The following HID1 variants were observed in gnomAD, a reference collection of about 807,000 sequenced individuals.
The protein encoded by HID1 is HID1 domain containing.
HID1 carries 42 observed loss-of-function variants against 89.7 expected under a neutral mutation model. That is an observed-to-expected ratio of 0.47 (90% CI 0.37 to 0.61). The LOEUF is 0.61. Ranked by LOEUF, HID1 falls within the 20% of genes least tolerant of loss-of-function variation. The pLI, the probability that HID1 is intolerant of heterozygous loss-of-function variation, is 0.00. For missense variants in HID1, 854 were observed against 1,039.3 expected (o/e 0.82, Z 2.45); for synonymous variants, 442 against 433.8 (o/e 1.02, Z -0.24).
In HID1 at chr17:74,952,055, G is replaced by C. The variant is rs772025658; in HGVS notation, c.2153C>G (p.Thr718Arg). The change falls in exon 18 of 19, where the codon ACG becomes AGG. Residue 718 changes from threonine (T) to arginine (R), a missense_variant. Physicochemically the swap from Thr to Arg is moderately conservative, Grantham distance 71. Transcript: ENST00000425042. ...VEKICIDKGL[T>R]DESEILRFLQ... ...GAACCGCAGGATCTCAGACTCATCC[G>C]TCAGGCCCCTGCGGGGAGAGGGGTA... 5.1e-6 allele frequency: 8 copies of C among 1,556,990 alleles called. No homozygotes were observed. The highest frequency in any genetic ancestry group is 3.6e-5 in the South Asian group (3 of 84,494).
In HID1 at chr17:74,955,908, A is replaced by G. The variant is rs1225369510; in HGVS notation, c.1520T>C (p.Leu507Pro). Residue 507 changes from leucine to proline, a missense_variant, in exon 13 of 19, where the codon CTG becomes CCG. Leu to Pro is a moderately conservative substitution (Grantham distance 98). Transcript: ENST00000425042. ...GGTGGAGAAGGCCTCCAGCAGGTGC[A>G]GCAACTTGTTGGCAGTCACCATGGA... ...SLSMVTANKL[L>P]HLLEAFSTTW... 3.1e-6 allele frequency: 5 copies of G among 1,614,028 alleles called. No individual in the cohort carries two copies. Among genetic ancestry groups the G allele is most frequent in the Non-Finnish European group, 4.2e-6 (5 of 1,180,006 alleles).
At chr17:74,961,789 A>G (rs1161501363) in intron 6 of HID1, 84 bp downstream of exon 6, 2 of 775,234 alleles carry the variant, frequency 2.6e-6, no homozygotes, top group Non-Finnish European at 3.9e-6. Flanking sequence ...CCCTCAAACG[A>G]GACCCAGAGC....
At chr17:74,964,181 C>G in intron 2 of HID1, 1 of 593,636 alleles carries the variant, frequency 1.7e-6, no homozygotes, top group East Asian at 2.8e-5. Flanking sequence ...CTAAGTGAGT[C>G]TCCCAGCCTC....
rs915500747 is a variant in HID1 at position 74,972,512 on chromosome 17, G to T, written c.66+79C>A. 10 of 1,348,996 alleles carry T rather than the reference G, an allele frequency of 7.4e-6. No individual in the cohort carries two copies. The highest frequency in any genetic ancestry group is 1.0e-5 in the Non-Finnish European group (10 of 984,694). 83.6% of individuals were successfully genotyped at this position (1,348,996 alleles called of 1,614,324 possible). On this transcript the variant is annotated intron_variant, in intron 1 of 18. Transcript: ENST00000425042. The surrounding 1 kb of genome is among the most constrained non-coding windows in gnomAD (Gnocchi z 6.4). ...CGCCCGTCCCCCCATCTCCCGACGA[G>T]CCAAGTTCGCGTACCCCCGGCCCTG...
rs2039654914 is a variant in HID1 at position 74,972,034 on chromosome 17, T to C, written c.66+557A>G. Among the ~76,000 whole-genome samples the C allele has an allele frequency of 6.6e-6, 1 of 152,138 alleles. No homozygotes were observed. The highest frequency in any genetic ancestry group is 1.5e-5 in the Non-Finnish European group (1 of 68,000). ...CAGGCTGCCTCGCTGCCCGCCACTC[T>C]TTGCGTGTTCCCAGGAAGACCTGGG... On this transcript the variant is annotated intron_variant, in intron 1 of 18. Transcript: ENST00000425042. This position sits in a 1 kb window ranked among gnomAD's most constrained non-coding sequence, Gnocchi z 6.4.
intron 1 of HID1, among the ~76,000 whole-genome samples, chr17:74,968,665 C>T (rs1381193957): frequency 6.6e-6 from 1 of 152,164 alleles, no homozygotes; most frequent in Non-Finnish European, 1.5e-5. Flanking sequence ...GACATGGCAC[C>T]CCAGTCTGGG....
chr17:74,964,451 A>G, intron 2 of HID1, 32 bp downstream of exon 2: 1 of 1,594,598 alleles, frequency 6.3e-7, no homozygotes, highest in Non-Finnish European at 8.5e-7. Flanking sequence ...GGGAGGGTGG[A>G]AGAGTAGCAG....
At chr17:74,964,040 G>C in intron 2 of HID1, 130 bp from the exon 3 acceptor site, 1 of 948,512 alleles carries the variant, frequency 1.1e-6, no homozygotes. Context: ...AGGAGAGACA[G>C]TGGGGCCACA....
At chr17:74,952,973 C>G in intron 16 of HID1, 33 bp downstream of exon 16, 15 of 1,540,194 alleles carry the variant, frequency 9.7e-6, no homozygotes, top group East Asian at 2.4e-5. Flanking sequence ...CAAACCCCAG[C>G]CCCCGCTCGC....
intron 1 of HID1, among the ~76,000 whole-genome samples, chr17:74,969,925 T>TTC (rs2039620754): frequency 7.0e-6 from 1 of 141,948 alleles, no homozygotes; most frequent in South Asian, 2.2e-4. Context: ...CTTTTTTCTT[T>TTC]TTTTTTTTTT....
chr17:74,968,025 AGC>A (rs2039588843), intron 1 of HID1: 1 of 152,286 alleles, frequency 6.6e-6, no homozygotes, highest in Admixed American at 6.5e-5. Context: ...AGATCACTTG[AGC>A]CCAGGAGTTC....
intron 16 of HID1, among the ~76,000 whole-genome samples, chr17:74,952,714 G>C (rs1215610663): frequency 2.0e-5 from 3 of 152,194 alleles, no homozygotes; most frequent in Non-Finnish European, 4.4e-5. Context: ...GTCGGAAAGA[G>C]TGATTTATTA....
At chr17:74,953,683 C>A in intron 14 of HID1, 32 bp from the exon 15 acceptor site, 5 of 1,549,242 alleles carry the variant, frequency 3.2e-6, no homozygotes, top group Non-Finnish European at 4.5e-6. Flanking sequence ...GTGAGGACTC[C>A]CTGCCACAGT....
Position 74,958,595 on chromosome 17 carries a change from G to C in HID1, c.1240+78C>G, listed in dbSNP as rs760504730. 2.6e-5 allele frequency: 41 copies of C among 1,584,744 alleles called. No homozygotes were observed. Among genetic ancestry groups the C allele is most frequent in the Non-Finnish European group, 3.5e-5 (40 of 1,156,126 alleles). ...GTCAGAGTGCCAGGCCTGAGCTCCT[G>C]GGAGTCAGGGCAGATAGCCAGCCCT... On this transcript the variant is annotated intron_variant, in intron 10 of 18. Transcript: ENST00000425042. This position sits in a 1 kb window ranked among gnomAD's most constrained non-coding sequence, Gnocchi z 5.2.
chr17:74,952,683 G>T (rs1460576020), intron 16 of HID1, among the ~76,000 whole-genome samples: 2 of 152,182 alleles, frequency 1.3e-5, no homozygotes, highest in East Asian at 3.8e-4. Flanking sequence ...CAGGGCGTGG[G>T]GATGAGATTC....
At chr17:74,953,317 A>C (rs1339653916) in intron 15 of HID1, among the ~76,000 whole-genome samples, 1 of 152,160 alleles carries the variant, frequency 6.6e-6, no homozygotes, top group African/African-American at 2.4e-5. Context: ...GAGGGATGAG[A>C]AGTCTGAAGG....
chr17:74,952,398 C>G, intron 16 of HID1, 38 bp from the exon 17 acceptor site: 1 of 1,537,702 alleles, frequency 6.5e-7, no homozygotes, highest in Middle Eastern at 1.7e-4. Context: ...GAGAAAGCAG[C>G]CCCCGGAGGC....
Position 74,952,294 on chromosome 17 carries a change from G to A in HID1, c.2119C>T (p.Gln707Ter), listed in dbSNP as rs2039315312. Residue 707 changes from glutamine to a stop codon, truncating the protein, a stop_gained, in exon 17 of 19, where the codon CAG becomes TAG. Transcript: ENST00000425042. LOFTEE classifies it high-confidence loss of function. ...TTGTCAATGCAGATCTTCTCCACCT[G>A]CGGAACCAGCACCTGCAGCAGCCTC... ...IMRLLQVLVP[Q>*]VEKICIDKGL... The A allele has an allele frequency of 6.2e-7, 1 of 1,613,594 alleles. No homozygotes were observed. The highest frequency in any genetic ancestry group is 1.3e-5 in the African/African-American group (1 of 74,860).
At chr17:74,970,943 G>A (rs1262075145) in intron 1 of HID1, among the ~76,000 whole-genome samples, 1 of 152,186 alleles carries the variant, frequency 6.6e-6, no homozygotes, top group African/African-American at 2.4e-5. Flanking sequence ...CTCTCCAGAA[G>A]GCTGGTCTGA....
Sources: allele counts gnomAD v4.1 joint callset (sites outside exome capture counted in the v4.1 genomes callset), GRCh38; gene constraint gnomAD v4.1.1; non-coding constraint Gnocchi (gnomAD v3.1); transcripts MANE v1.5; gene names NCBI Gene and HGNC (gene_info 2026-07-23, HGNC 2026-07-21).